NINL: variants seen among roughly 807,000 people sequenced by gnomAD.
The protein encoded by NINL is ninein-like protein.
In NINL, 153 loss-of-function variants were observed where a neutral mutation model predicts 160.3. That is an observed-to-expected ratio of 0.95 (90% confidence interval 0.84 to 1.09). NINL has a LOEUF of 1.09. NINL is among the 50% of genes least tolerant of loss of function. The pLI, the probability that NINL is intolerant of heterozygous loss-of-function variation, is 0.00. For synonymous variants in NINL, 800 were observed against 734.8 expected (o/e 1.09, Z -1.43); for missense variants, 1,829 against 1,764.0 (o/e 1.04, Z -0.66).
At chr20:25,571,384 C>A (rs1028694631) in intron 1 of NINL, among the ~76,000 whole-genome samples, 1 of 152,182 alleles carries the variant, frequency 6.6e-6, no homozygotes. Context: ...GCCTGGCCAG[C>A]CCAGACCCTC....
At chr20:25,558,941 T>C (rs1381769673) in intron 1 of NINL, among the ~76,000 whole-genome samples, 1 of 152,258 alleles carries the variant, frequency 6.6e-6, no homozygotes, top group Non-Finnish European at 1.5e-5. Context: ...GACACACGCT[T>C]GCACCTTCTG....
At chr20:25,579,894 C>T (rs2065153854) in intron 1 of NINL, among the ~76,000 whole-genome samples, 3 of 152,208 alleles carry the variant, frequency 2.0e-5, no homozygotes, top group Admixed American at 2.0e-4. Context: ...ATATACTCTA[C>T]AAATGTAAAA....
At chr20:25,581,317 A>C (rs73337401) in intron 1 of NINL, among the ~76,000 whole-genome samples, 13,471 of 152,162 alleles carry the variant, frequency 0.089, 980 homozygotes, top group African/African-American at 0.2. Flanking sequence ...GGTCAGGCAC[A>C]TATAATCCCA....
At chr20:25,528,120 C>T (rs2146970776) in intron 1 of NINL, among the ~76,000 whole-genome samples, 1 of 152,316 alleles carries the variant, frequency 6.6e-6, no homozygotes, top group South Asian at 2.1e-4. Flanking sequence ...ACCTTGAACT[C>T]TTGGGCTCAA....
In NINL at chr20:25,453,321, G is replaced by A. The variant is rs971987305; in HGVS notation, c.*130C>T. 3 of 764,074 alleles carry A rather than the reference G, an allele frequency of 3.9e-6. No individual in the cohort carries two copies. Among genetic ancestry groups the A allele is most frequent in the Admixed American group, 6.0e-5 (2 of 33,358 alleles). The allele number at this position is 764,074 out of a possible 1,614,324, so 47.3% of individuals were successfully genotyped here. The stretch of plus-strand genomic sequence containing the variant: ...GGCAGACCATTCATTAACTATCTGC[G>A]GGGTGAACAAAGAATCCCAATCCTC... On this transcript the variant is annotated 3_prime_UTR_variant, in exon 24 of 24. Transcript: ENST00000278886.
At position 25,491,393 on chromosome 20, in the gene NINL, A is replaced by C; in HGVS notation, c.1443T>G (p.Ala481=). Reference sequence around the variant, plus strand: ...GCTTCTCGCGGAGGCCAGCCTCCTCAGCCTGCAGGCGCCCCACGTCCCACT... The same window carrying C: ...GCTTCTCGCGGAGGCCAGCCTCCTCCGCCTGCAGGCGCCCCACGTCCCACT... ...ALEWDVGRLQ[A]EEAGLREKLT... Residue 481 remains alanine, a synonymous_variant, in exon 11 of 24, where the codon GCT becomes GCG. Transcript: ENST00000278886. The C allele has an allele frequency of 6.2e-7, 1 of 1,612,128 alleles. No individual in the cohort carries two copies. Among genetic ancestry groups the C allele is most frequent in the South Asian group, 1.1e-5 (1 of 91,056 alleles).
chr20:25,499,449 C>G (rs16987789), intron 8 of NINL, among the ~76,000 whole-genome samples: 15,147 of 152,230 alleles, frequency 0.1, 1,280 homozygotes, highest in African/African-American at 0.23. Context: ...GCAGAGGCAA[C>G]ATGCACTCAT....
chr20:25,485,453 G>A (rs1036188258), intron 13 of NINL, among the ~76,000 whole-genome samples: 10 of 152,232 alleles, frequency 6.6e-5, no homozygotes, highest in Non-Finnish European at 1.3e-4. Flanking sequence ...CAGAACGGGA[G>A]GAAGTGTTTC....
chr20:25,583,144 A>G (rs1487419070), intron 1 of NINL, among the ~76,000 whole-genome samples: 1 of 152,228 alleles, frequency 6.6e-6, no homozygotes, highest in East Asian at 1.9e-4. Flanking sequence ...ATCTAACCTA[A>G]GAGCTTCTCC....
At chr20:25,472,484 G>C (rs776699309) in intron 17 of NINL, among the ~76,000 whole-genome samples, 2 of 149,854 alleles carry the variant, frequency 1.3e-5, no homozygotes, top group African/African-American at 2.4e-5. Context: ...TAATGGCTGA[G>C]AGATTTTCAT....
chr20:25,484,836 C>T (rs1277037769), intron 13 of NINL, among the ~76,000 whole-genome samples: 1 of 152,200 alleles, frequency 6.6e-6, no homozygotes, highest in Admixed American at 6.5e-5. Flanking sequence ...TTTGCATGGT[C>T]TTAAAGTGTC....
At chr20:25,532,059 T>C (rs2064474398) in intron 1 of NINL, among the ~76,000 whole-genome samples, 1 of 151,886 alleles carries the variant, frequency 6.6e-6, no homozygotes, top group Non-Finnish European at 1.5e-5. Context: ...GCTCTGTGTG[T>C]GGCCAGGCCT....
chr20:25,518,055 AC>A (rs1415547798), intron 2 of NINL, among the ~76,000 whole-genome samples: 1 of 152,220 alleles, frequency 6.6e-6, no homozygotes, highest in African/African-American at 2.4e-5. Context: ...TAATCCTACC[AC>A]CAAATAAACA....
chr20:25,518,607 G>A (rs1434176427), intron 2 of NINL, among the ~76,000 whole-genome samples: 1 of 151,950 alleles, frequency 6.6e-6, no homozygotes, highest in East Asian at 1.9e-4. Context: ...GTAACAGTTG[G>A]ATTTTGTCCA....
At chr20:25,475,918 C>A (rs1190031046) in intron 17 of NINL, 125 bp downstream of exon 17, 3 of 977,578 alleles carry the variant, frequency 3.1e-6, no homozygotes, top group Non-Finnish European at 4.5e-6. Flanking sequence ...TACACAGCCC[C>A]CATCAGGGGC....
chr20:25,557,142 T>C (rs2064876077), intron 1 of NINL, among the ~76,000 whole-genome samples: 1 of 152,242 alleles, frequency 6.6e-6, no homozygotes, highest in South Asian at 2.1e-4. Flanking sequence ...TATATCTCAC[T>C]TAAAGCCATT....
At chr20:25,573,025 G>C (rs1055775695) in intron 1 of NINL, among the ~76,000 whole-genome samples, 3 of 152,098 alleles carry the variant, frequency 2.0e-5, no homozygotes, top group Non-Finnish European at 4.4e-5. Flanking sequence ...GGCCAGGCGT[G>C]GTGGCTCACA....
At chr20:25,459,845 G>A (rs557463625) in intron 21 of NINL, among the ~76,000 whole-genome samples, 13 of 152,298 alleles carry the variant, frequency 8.5e-5, no homozygotes, top group South Asian at 6.2e-4. Context: ...TTGGCAACGC[G>A]AGACGGGCCA....
At chr20:25,535,598 T>A (rs1206493440) in intron 1 of NINL, among the ~76,000 whole-genome samples, 1 of 152,140 alleles carries the variant, frequency 6.6e-6, no homozygotes, top group Non-Finnish European at 1.5e-5. Flanking sequence ...ACTAAGCGAA[T>A]CTAGTTAACA....
Sources: allele counts gnomAD v4.1 joint callset (sites outside exome capture counted in the v4.1 genomes callset), GRCh38; gene constraint gnomAD v4.1.1; transcripts MANE v1.5; gene names NCBI Gene and HGNC (gene_info 2026-07-23, HGNC 2026-07-21).